The following SRGAP1 variants were observed in gnomAD, a reference collection of about 807,000 sequenced individuals.
SRGAP1 encodes the protein SLIT-ROBO Rho GTPase-activating protein 1.
SRGAP1 carries 43 observed loss-of-function variants against 121.9 expected under a neutral mutation model. The observed-to-expected ratio is 0.35, with a 90% CI of 0.28 to 0.46. The LOEUF is 0.46. SRGAP1 is among the 20% of genes least tolerant of loss of function. The probability of loss-of-function intolerance (pLI) is 1.00; values close to 1 mark genes in which losing one functional copy is unlikely to be tolerated. For missense variants in SRGAP1, 1,102 were observed against 1,350.9 expected (o/e 0.82, Z 2.89); for synonymous variants, 447 against 485.4 (o/e 0.92, Z 1.04).
At position 64,042,806 on chromosome 12, in the gene SRGAP1, A is replaced by G. The variant is rs2035051034; in HGVS notation, c.506A>G (p.His169Arg). The G allele has an allele frequency of 6.2e-7, 1 of 1,613,658 alleles. No individual in the cohort carries two copies. The highest frequency in any genetic ancestry group is 8.5e-7 in the Non-Finnish European group (1 of 1,179,830). The change falls in exon 5 of 22, where the codon CAT becomes CGT. Residue 169 changes from histidine to arginine, a missense_variant. Around this residue, in one of 3 missense-constraint regions of SRGAP1, gnomAD observed 747 missense variants for 929.4 expected, o/e 0.80. Transcript: ENST00000355086. ...TTTCCACAGGTGATGAAAACATACC[A>G]TATGTATCATGCAGAGAGCATCAGT... is the stretch of plus-strand genomic sequence containing the variant. ...NELYTVMKTY[H>R]MYHAESISAE...
At chr12:64,051,177 G>C (rs949638535) in intron 6 of SRGAP1, among the ~76,000 whole-genome samples, 1 of 152,156 alleles carries the variant, frequency 6.6e-6, no homozygotes, top group African/African-American at 2.4e-5. Flanking sequence ...GGCCTGATGG[G>C]TTCAAGTTAA....
intron 18 of SRGAP1, 187 bp downstream of exon 18, chr12:64,116,080 TC>T (rs1387415850): frequency 3.8e-5 from 20 of 531,926 alleles, no homozygotes; most frequent in Middle Eastern, 5.2e-4. Context: ...CATAGTGAGA[TC>T]CCATCTCTAC....
chr12:64,013,796 C>G (rs1305836679), intron 3 of SRGAP1, among the ~76,000 whole-genome samples: 5 of 152,048 alleles, frequency 3.3e-5, no homozygotes, highest in African/African-American at 4.8e-5. Context: ...ACACACATGG[C>G]AAGGGAATAT....
chr12:63,934,248 A>G (rs568856822), intron 1 of SRGAP1, among the ~76,000 whole-genome samples: 11 of 152,266 alleles, frequency 7.2e-5, no homozygotes, highest in East Asian at 3.9e-4. Context: ...TCAGCTGTCT[A>G]TCTTTCCACC....
intron 8 of SRGAP1, among the ~76,000 whole-genome samples, chr12:64,073,637 T>C (rs1338785611): frequency 1.3e-5 from 2 of 152,202 alleles, no homozygotes; most frequent in Non-Finnish European, 2.9e-5. Context: ...TCTAAAACAA[T>C]GTAAATGCTA....
chr12:63,862,855 T>C (rs1275112228), intron 1 of SRGAP1, among the ~76,000 whole-genome samples: 1 of 152,204 alleles, frequency 6.6e-6, no homozygotes, highest in Non-Finnish European at 1.5e-5. Flanking sequence ...TGAATTATAA[T>C]CCTCAAGCAC....
Position 64,043,502 on chromosome 12 carries a change from A to G in SRGAP1, c.728A>G (p.Tyr243Cys). ...AAATCAATTAAGGCACGGAACGAAT[A>G]TCTCCTAACACTTGAAGCCACCAAT... is the stretch of plus-strand genomic sequence containing the variant. ...KLKSIKARNE[Y>C]LLTLEATNAS... Residue 243 changes from tyrosine to cysteine, a missense_variant, in exon 6 of 22, where the codon TAT becomes TGT. Around this residue, in one of 3 missense-constraint regions of SRGAP1, gnomAD observed 747 missense variants for 929.4 expected, o/e 0.80. Coordinates refer to ENST00000355086, the MANE Select transcript of SRGAP1 (RefSeq NM_020762.4). The G allele has an allele frequency of 6.2e-7, 1 of 1,612,660 alleles. No individual in the cohort carries two copies. Among genetic ancestry groups the G allele is most frequent in the Non-Finnish European group, 8.5e-7 (1 of 1,179,170 alleles).
chr12:63,861,310 T>A (rs1174092077), intron 1 of SRGAP1, among the ~76,000 whole-genome samples: 1 of 140,996 alleles, frequency 7.1e-6, no homozygotes, highest in African/African-American at 2.6e-5. Context: ...ATATTTTTTT[T>A]TTTTTTTGAG....
At chr12:64,086,429 A>G (rs2035940318) in intron 10 of SRGAP1, among the ~76,000 whole-genome samples, 1 of 152,228 alleles carries the variant, frequency 6.6e-6, no homozygotes, top group Non-Finnish European at 1.5e-5. Flanking sequence ...TTAGCTTACA[A>G]GTTGGTGGAA....
intron 6 of SRGAP1, among the ~76,000 whole-genome samples, chr12:64,062,506 A>G (rs2035468220): frequency 1.3e-5 from 2 of 151,700 alleles, no homozygotes; most frequent in Admixed American, 6.6e-5. Context: ...CACTCTCTTG[A>G]TAGTGTCTAT....
intron 1 of SRGAP1, among the ~76,000 whole-genome samples, chr12:63,867,125 A>T (rs1008988036): frequency 6.6e-6 from 1 of 152,214 alleles, no homozygotes; most frequent in African/African-American, 2.4e-5. Flanking sequence ...TTCTGGGATT[A>T]CAAGTGTGAG....
intron 1 of SRGAP1, among the ~76,000 whole-genome samples, chr12:63,930,580 T>C (rs1005320422): frequency 2.0e-5 from 3 of 152,162 alleles, no homozygotes; most frequent in Non-Finnish European, 2.9e-5. Context: ...TTTTTAATTA[T>C]GAATGCAGGC....
At chr12:63,978,673 CA>C (rs2033160294) in intron 1 of SRGAP1, among the ~76,000 whole-genome samples, 1 of 121,548 alleles carries the variant, frequency 8.2e-6, no homozygotes, top group Non-Finnish European at 1.8e-5. Context: ...CATTCACGTG[CA>C]AGTTTTTGTA....
At chr12:64,060,755 C>G (rs764952777) in intron 6 of SRGAP1, among the ~76,000 whole-genome samples, 11 of 152,126 alleles carry the variant, frequency 7.2e-5, no homozygotes, top group Non-Finnish European at 1.5e-4. Context: ...TGTTTCACAT[C>G]CTGGTAGATA....
At chr12:63,989,457 A>G (rs764019169) in intron 2 of SRGAP1, among the ~76,000 whole-genome samples, 2 of 152,246 alleles carry the variant, frequency 1.3e-5, no homozygotes, top group African/African-American at 4.8e-5. Context: ...CATGGAATGC[A>G]TAACTAGCCA....
chr12:64,098,595 G>A (rs2036203661), intron 15 of SRGAP1, among the ~76,000 whole-genome samples: 2 of 151,974 alleles, frequency 1.3e-5, no homozygotes, highest in South Asian at 4.2e-4. Context: ...ACTTGAGTCT[G>A]GCAGGCAGAG....
At chr12:63,928,195 A>G (rs560402556) in intron 1 of SRGAP1, among the ~76,000 whole-genome samples, 2 of 152,306 alleles carry the variant, frequency 1.3e-5, no homozygotes, top group South Asian at 2.1e-4. Context: ...TGCTACTCCT[A>G]AAAGTCACTC....
At chr12:64,032,101 C>A (rs1039121483) in intron 4 of SRGAP1, among the ~76,000 whole-genome samples, 2 of 152,130 alleles carry the variant, frequency 1.3e-5, no homozygotes, top group African/African-American at 4.8e-5. Flanking sequence ...AATTTAGGCT[C>A]ACAGACAATT....
At chr12:64,026,865 C>CA (rs35172854) in intron 4 of SRGAP1, among the ~76,000 whole-genome samples, 36,136 of 133,948 alleles carry the variant, frequency 0.27, 4,506 homozygotes, top group African/African-American at 0.29. Flanking sequence ...GACTCCATCT[C>CA]AAAAAAAAAA....
Sources: allele counts gnomAD v4.1 joint callset (sites outside exome capture counted in the v4.1 genomes callset), GRCh38; gene constraint gnomAD v4.1.1; regional missense constraint gnomAD v4.1.1; transcripts MANE v1.5; gene names NCBI Gene and HGNC (gene_info 2026-07-23, HGNC 2026-07-21).